Variants in IQSEC3 observed in about 807,000 individuals in gnomAD.
IQSEC3 encodes the protein IQ motif and SEC7 domain-containing protein 3.
In IQSEC3, 50 loss-of-function variants were observed where a neutral mutation model predicts 105.4. The ratio of observed to expected loss-of-function variants is 0.47; its 90% CI spans 0.38 to 0.60. IQSEC3 has a LOEUF of 0.60. Among genes scored for constraint, IQSEC3 ranks in the 20% least tolerant of loss-of-function variants. IQSEC3 has a pLI of 0.00. For synonymous variants in IQSEC3, 708 were observed against 746.0 expected (o/e 0.95, Z 0.83); for missense variants, 1,415 against 1,630.0 (o/e 0.87, Z 2.27).
chr12:168,955 C>T (rs1239363744), intron 11 of IQSEC3, 58 bp from the exon 12 acceptor site: 5 of 1,426,734 alleles, frequency 3.5e-6, no homozygotes, highest in African/African-American at 1.4e-5. Context: ...TTTCCTGCCT[C>T]GCCTCTGTGT....
chr12:110,701 T>C (rs556912341), intron 2 of IQSEC3, among the ~76,000 whole-genome samples: 10 of 152,230 alleles, frequency 6.6e-5, no homozygotes, highest in African/African-American at 2.2e-4. Context: ...AGCCCAAGTA[T>C]AAAAATGGGG....
At chr12:103,875 GA>G in intron 2 of IQSEC3, among the ~76,000 whole-genome samples, 7 of 128,622 alleles carry the variant, frequency 5.4e-5, no homozygotes, top group Non-Finnish European at 8.4e-5. Context: ...CTCGGGAGGG[GA>G]GGCGGGGGCT....
intron 1 of IQSEC3, among the ~76,000 whole-genome samples, chr12:83,025 A>G (rs559136277): frequency 6.6e-6 from 1 of 152,218 alleles, no homozygotes; most frequent in Admixed American, 6.5e-5. Context: ...AACCATCAGG[A>G]TATATCAGCC....
chr12:120,511 A>T (rs921258059), intron 2 of IQSEC3, among the ~76,000 whole-genome samples: 8 of 152,094 alleles, frequency 5.3e-5, no homozygotes, highest in African/African-American at 1.9e-4. Flanking sequence ...CTGAGGATAG[A>T]CAGGCTGTGG....
chr12:103,382 G>C (rs980719575), intron 2 of IQSEC3, among the ~76,000 whole-genome samples: 2 of 142,240 alleles, frequency 1.4e-5, no homozygotes, highest in Non-Finnish European at 3.0e-5. Flanking sequence ...AGTTCAGGAT[G>C]GGGAGGCAGG....
intron 2 of IQSEC3, among the ~76,000 whole-genome samples, chr12:108,908 G>A (rs1162256575): frequency 5.3e-5 from 8 of 152,184 alleles, no homozygotes; most frequent in Admixed American, 1.3e-4. Flanking sequence ...TGTATTCCAC[G>A]CCACCCCTGC....
At chr12:84,946 A>T (rs577417088) in intron 1 of IQSEC3, among the ~76,000 whole-genome samples, 1 of 152,182 alleles carries the variant, frequency 6.6e-6, no homozygotes, top group African/African-American at 2.4e-5. Context: ...GTGAGAATGG[A>T]TGCCAGAAGC....
chr12:131,039 C>CA (rs1555084920), intron 3 of IQSEC3, among the ~76,000 whole-genome samples: 1 of 35,152 alleles, frequency 2.8e-5, no homozygotes, highest in Non-Finnish European at 6.0e-5. Flanking sequence ...CACCTGGCCC[C>CA]CGCTCCTCAG....
intron 13 of IQSEC3, among the ~76,000 whole-genome samples, chr12:172,966 G>A (rs1271911903): frequency 6.6e-6 from 1 of 152,188 alleles, no homozygotes; most frequent in Non-Finnish European, 1.5e-5. Flanking sequence ...ACGGCTCAGT[G>A]GGTCTGGACT....
chr12:140,186 C>T (rs1565428734), intron 4 of IQSEC3: 1 of 152,212 alleles, frequency 6.6e-6, no homozygotes, highest in Non-Finnish European at 1.5e-5. Context: ...GGACACATCC[C>T]CTGGCCTCAA....
intron 2 of IQSEC3, among the ~76,000 whole-genome samples, chr12:108,957 C>A (rs1056542934): frequency 1.4e-4 from 22 of 152,378 alleles, no homozygotes; most frequent in African/African-American, 5.3e-4. Context: ...AGGTTTGTCC[C>A]GCTCTGGGAG....
chr12:76,841 G>C (rs150555857), intron 1 of IQSEC3, among the ~76,000 whole-genome samples: 1,636 of 152,064 alleles, frequency 0.011, 3 homozygotes, highest in Middle Eastern at 0.041. Flanking sequence ...TCTCGGCCTA[G>C]CTGTGGCCAG....
At chr12:160,140 CTGTT>C (rs146090384) in intron 7 of IQSEC3, among the ~76,000 whole-genome samples, 2,758 of 151,532 alleles carry the variant, frequency 0.018, 38 homozygotes, top group Non-Finnish European at 0.027. Flanking sequence ...GTTTTTCTCT[CTGTT>C]TGCCTCTATT....
chr12:109,733 A>G (rs1555079084), intron 2 of IQSEC3, among the ~76,000 whole-genome samples: 1 of 150,256 alleles, frequency 6.7e-6, no homozygotes. Context: ...CAACCTCTCC[A>G]CATCCTCTCA....
At chr12:159,266 G>A (rs1555095492) in intron 7 of IQSEC3, among the ~76,000 whole-genome samples, 1 of 152,188 alleles carries the variant, frequency 6.6e-6, no homozygotes, top group Non-Finnish European at 1.5e-5. Flanking sequence ...CCAGACCTGG[G>A]AGGTGGTGCG....
chr12:142,241 G>A (rs1866060908), intron 5 of IQSEC3: 1 of 152,232 alleles, frequency 6.6e-6, no homozygotes, highest in Non-Finnish European at 1.5e-5. Flanking sequence ...TGCCAGAGAG[G>A]GTTTGGACGC....
chr12:141,119 T>TC lies in IQSEC3; in HGVS notation c.1992-3dup. Reference sequence around the variant, plus strand: ...TCTACTGCTTCTCCCCACCCCCACCTCCAGAAACCCCGACAAGGGCATCCA... The same window carrying TC: ...TCTACTGCTTCTCCCCACCCCCACCTCCCAGAAACCCCGACAAGGGCATCCA... On this transcript the variant is annotated splice_polypyrimidine_tract_variant and splice_region_variant and intron_variant, in intron 4 of 13. Transcript: ENST00000538872. 2 of 796,640 alleles carry TC rather than the reference T, an allele frequency of 2.5e-6. No individual in the cohort carries two copies. Among genetic ancestry groups the TC allele is most frequent in the Non-Finnish European group, 3.6e-6 (2 of 552,436 alleles). The allele number at this position is 796,640 out of a possible 1,614,324, so 49.3% of individuals were successfully genotyped here. A position where few individuals can be genotyped will look rare whatever the true frequency, so the allele number is the denominator to read the frequency against.
In IQSEC3 at chr12:71,274, TAA is replaced by T. The variant is rs1565373564; in HGVS notation, c.554+3839_554+3840del. On this transcript the variant is annotated intron_variant, in intron 1 of 13. Transcript: ENST00000538872. ...ATGACTGGCCCATCCTGGAAACTAT[TAA>T]GAAAGAAAGTGTGAAGGTCTGTCAG... Among the ~76,000 whole-genome samples the T allele has an allele frequency of 3.3e-5, 5 of 152,388 alleles. No homozygotes were observed. In the East Asian group the frequency reaches 9.6e-4, roughly 29 times the overall value.
At chr12:120,508 T>G (rs577364330) in intron 2 of IQSEC3, among the ~76,000 whole-genome samples, 105 of 152,052 alleles carry the variant, frequency 6.9e-4, no homozygotes, top group Non-Finnish European at 1.2e-3. Context: ...GCTCTGAGGA[T>G]AGACAGGCTG....
Sources: allele counts gnomAD v4.1 joint callset (sites outside exome capture counted in the v4.1 genomes callset), GRCh38; gene constraint gnomAD v4.1.1; transcripts MANE v1.5; gene names NCBI Gene and HGNC (gene_info 2026-07-23, HGNC 2026-07-21).